PRKN: variants seen among roughly 807,000 people sequenced by gnomAD.
PRKN encodes the protein E3 ubiquitin-protein ligase parkin.
Under a neutral mutation model 59.5 loss-of-function variants are expected in PRKN, and 56 were observed. That is an observed-to-expected ratio of 0.94 (90% CI 0.76 to 1.18). The LOEUF is 1.18. Ranked by LOEUF, PRKN falls within the 50% of genes most tolerant of loss-of-function variation. PRKN has a pLI of 0.00. For synonymous variants in PRKN, 250 were observed against 222.1 expected (o/e 1.13, Z -1.12); for missense variants, 657 against 596.4 (o/e 1.10, Z -1.06).
intron 4 of PRKN, among the ~76,000 whole-genome samples, chr6:162,152,710 A>G (rs1311986759): frequency 6.6e-6 from 1 of 152,200 alleles, no homozygotes; most frequent in Non-Finnish European, 1.5e-5. Context: ...ATTGTCAAGG[A>G]GAGTGTGGTC....
In PRKN at chr6:162,587,191, C is replaced by T. The variant is rs183156619; in HGVS notation, c.7+140471G>A. 8.9e-4 allele frequency among the ~76,000 whole-genome samples: 135 copies of T among 152,270 alleles called. No homozygotes were observed. The Middle Eastern group carries it at 0.01, about 12-fold the overall frequency. On this transcript the variant is annotated intron_variant, in intron 1 of 11. Coordinates refer to ENST00000366898, the MANE Select transcript of PRKN (RefSeq NM_004562.3). ...TCACTCTGTTACCCACGCTGGAGTA[C>T]AGTGGCGCAATCTCGGCTCATTCAA...
chr6:161,855,810 C>CA (rs1243803615), intron 6 of PRKN, among the ~76,000 whole-genome samples: 2 of 152,232 alleles, frequency 1.3e-5, no homozygotes, highest in East Asian at 3.9e-4. Context: ...AATTACAGGC[C>CA]AATTTTACAT....
intron 4 of PRKN, among the ~76,000 whole-genome samples, chr6:162,188,065 G>A (rs902848720): frequency 6.6e-6 from 1 of 152,038 alleles, no homozygotes; most frequent in Non-Finnish European, 1.5e-5. Flanking sequence ...AAAAAGAGGA[G>A]TTCCCTGCAA....
intron 1 of PRKN, among the ~76,000 whole-genome samples, chr6:162,705,408 T>C (rs1778303637): frequency 6.6e-6 from 1 of 152,168 alleles, no homozygotes; most frequent in Non-Finnish European, 1.5e-5. Context: ...TCCATCAATA[T>C]GCCCTTAATC....
rs368521882 is a variant in PRKN, at chr6:162,172,105, A to T, written c.534+29026T>A. Among the ~76,000 whole-genome samples, 35 of 152,312 alleles carry T rather than the reference A, an allele frequency of 2.3e-4. 1 individual carries two copies. The East Asian group carries it at 6.4e-3, about 28-fold the overall frequency. On this transcript the variant is annotated intron_variant, in intron 4 of 11. Transcript: ENST00000366898. The stretch of plus-strand genomic sequence containing the variant: ...ACAGGATAAAAAAGAAAACCACCTA[A>T]GGACACAGAGTAAGTGATAGAACTG...
chr6:161,571,724 A>T (rs1313128712), intron 7 of PRKN, among the ~76,000 whole-genome samples: 2 of 152,130 alleles, frequency 1.3e-5, no homozygotes, highest in Non-Finnish European at 2.9e-5. Flanking sequence ...ATAGCTGATA[A>T]CATGTTATTT....
At chr6:162,671,640 A>G (rs961771617) in intron 1 of PRKN, among the ~76,000 whole-genome samples, 65 of 152,082 alleles carry the variant, frequency 4.3e-4, no homozygotes, top group African/African-American at 1.5e-3. Flanking sequence ...TCATAGAAGA[A>G]TTTACCAGTC....
chr6:161,742,300 C>G (rs56404785), intron 7 of PRKN, among the ~76,000 whole-genome samples: 5,975 of 152,186 alleles, frequency 0.039, 386 homozygotes, highest in African/African-American at 0.13. Context: ...CCTGCACAAG[C>G]TCTCTCTTGC....
Position 161,409,012 on chromosome 6 carries a change from C to T in PRKN, c.1084-22135G>A, listed in dbSNP as rs535576814. Among the ~76,000 whole-genome samples, 8 of 152,254 alleles carry T rather than the reference C, an allele frequency of 5.3e-5. No homozygotes were observed. The highest frequency in any genetic ancestry group is 7.3e-5 in the Non-Finnish European group (5 of 68,034). ...CCAGGCTGGAGTGCAGTGGTGCAATCTCAGCTCACTGCAACCTCTGCCTCC... is the reference window on the plus strand; with the variant it reads ...CCAGGCTGGAGTGCAGTGGTGCAATTTCAGCTCACTGCAACCTCTGCCTCC... On this transcript the variant is annotated intron_variant, in intron 9 of 11. Coordinates refer to ENST00000366898, the MANE Select transcript of PRKN (RefSeq NM_004562.3). This position sits in a 1 kb window ranked among gnomAD's most constrained non-coding sequence, Gnocchi z 4.6.
chr6:161,477,740 C>A (rs1326659246), intron 9 of PRKN, among the ~76,000 whole-genome samples: 1 of 152,138 alleles, frequency 6.6e-6, no homozygotes, highest in Non-Finnish European at 1.5e-5. Flanking sequence ...ATAGATACAT[C>A]ATGTTATTAG....
intron 1 of PRKN, among the ~76,000 whole-genome samples, chr6:162,539,915 G>T (rs538125905): frequency 1.3e-5 from 2 of 152,038 alleles, no homozygotes; most frequent in South Asian, 4.1e-4. Context: ...AAATTGTTGC[G>T]AATTTATTTT....
rs1789577755 is a variant in PRKN at position 161,448,148 on chromosome 6, T to C, written c.1084-61271A>G. 6.6e-6 allele frequency among the ~76,000 whole-genome samples: 1 copy of C among 152,188 alleles called. No homozygotes were observed. The highest frequency in any genetic ancestry group is 1.5e-5 in the Non-Finnish European group (1 of 68,030). On this transcript the variant is annotated intron_variant, in intron 9 of 11. Coordinates refer to ENST00000366898, the MANE Select transcript of PRKN (RefSeq NM_004562.3). This position sits in a 1 kb window ranked among gnomAD's most constrained non-coding sequence, Gnocchi z 5.1. ...AGCCGTTGTATGGAAAACACCGTGA[T>C]TCTGTTCAGCGCCTCCCTTTTGCCT...
intron 3 of PRKN, among the ~76,000 whole-genome samples, chr6:162,208,743 G>T (rs1005307422): frequency 4.6e-5 from 7 of 152,116 alleles, no homozygotes; most frequent in African/African-American, 1.7e-4. Context: ...CTTTCCAAAA[G>T]TTGAATAAAC....
intron 1 of PRKN, among the ~76,000 whole-genome samples, chr6:162,716,403 T>C (rs1562520875): frequency 6.6e-6 from 1 of 152,216 alleles, no homozygotes; most frequent in African/African-American, 2.4e-5. Flanking sequence ...CCATATTAGT[T>C]ATTATTTACA....
chr6:161,681,250 C>T (rs1785350449), intron 7 of PRKN, among the ~76,000 whole-genome samples: 1 of 152,182 alleles, frequency 6.6e-6, no homozygotes, highest in Non-Finnish European at 1.5e-5. Context: ...GCCTAAGCGA[C>T]TGCACCCAGC....
intron 9 of PRKN, among the ~76,000 whole-genome samples, chr6:161,415,980 G>C (rs79654108): frequency 0.052 from 7,926 of 151,976 alleles, 275 homozygotes; most frequent in Admixed American, 0.099. Context: ...TCCGGGTCCC[G>C]TCTTTACTCA....
intron 5 of PRKN, among the ~76,000 whole-genome samples, chr6:162,032,931 C>T (rs1783695993): frequency 6.6e-6 from 1 of 152,198 alleles, no homozygotes; most frequent in African/African-American, 2.4e-5. Flanking sequence ...TCCAAGATGT[C>T]TTACCACACT....
rs1750940511 is a variant in PRKN at position 161,487,359 on chromosome 6, C to A, written c.1083+61495G>T. On this transcript the variant is annotated intron_variant, in intron 9 of 11. Coordinates refer to ENST00000366898, the MANE Select transcript of PRKN (RefSeq NM_004562.3). The surrounding 1 kb of genome is among the most constrained non-coding windows in gnomAD (Gnocchi z 5.3). ...TCTCCTTCCTATACTGCCCCTTCGC[C>A]CATCTGTGTGAGCCAAGGCAAGGAA... is the stretch of plus-strand genomic sequence containing the variant. 6.6e-6 allele frequency among the ~76,000 whole-genome samples: 1 copy of A among 152,074 alleles called. No homozygotes were observed. Among genetic ancestry groups the A allele is most frequent in the Non-Finnish European group, 1.5e-5 (1 of 68,014 alleles).
intron 6 of PRKN, among the ~76,000 whole-genome samples, chr6:161,860,913 T>A (rs1478196147): frequency 6.6e-6 from 1 of 152,136 alleles, no homozygotes; most frequent in Non-Finnish European, 1.5e-5. Context: ...TGGCGATTAT[T>A]AAAAAGTCAG....
Sources: gnomAD v4.1 joint callset for allele counts (sites outside exome capture counted in the v4.1 genomes callset) on GRCh38, gnomAD v4.1.1 for gene constraint, Gnocchi (gnomAD v3.1) non-coding constraint, MANE v1.5 for transcripts, NCBI Gene and HGNC (gene_info 2026-07-23, HGNC 2026-07-21) for gene names.